The following GRM8 variants were observed in gnomAD, a reference collection of about 807,000 sequenced individuals.
GRM8 encodes glutamate metabotropic receptor 8.
Under a neutral mutation model 87.2 loss-of-function variants are expected in GRM8, and 47 were observed. That is an observed-to-expected ratio of 0.54 (90% CI 0.43 to 0.69). GRM8 has a LOEUF of 0.69. Among genes scored for constraint, GRM8 ranks in the 30% least tolerant of loss-of-function variants. GRM8 has a pLI of 0.00. For missense variants in GRM8, 1,019 were observed against 1,139.2 expected (o/e 0.89, Z 1.52); for synonymous variants, 396 against 404.5 (o/e 0.98, Z 0.25).
chr7:126,929,975 A>G (rs547837421), intron 3 of GRM8, among the ~76,000 whole-genome samples: 3 of 151,950 alleles, frequency 2.0e-5, no homozygotes, highest in Non-Finnish European at 4.4e-5. Flanking sequence ...AATTTATACT[A>G]TACTTTCATG....
At chr7:126,524,818 T>G in intron 9 of GRM8, among the ~76,000 whole-genome samples, 1 of 152,316 alleles carries the variant, frequency 6.6e-6, no homozygotes, top group Non-Finnish European at 1.5e-5. Context: ...GTTTCTGGGA[T>G]CATATGCTTA....
intron 6 of GRM8, among the ~76,000 whole-genome samples, chr7:126,842,596 G>T (rs1351445357): frequency 6.6e-6 from 1 of 152,138 alleles, no homozygotes; most frequent in Non-Finnish European, 1.5e-5. Flanking sequence ...AAAATAAGAA[G>T]ATTACCCTGG....
intron 3 of GRM8, among the ~76,000 whole-genome samples, chr7:127,025,321 G>C (rs1332205450): frequency 6.6e-6 from 1 of 151,904 alleles, no homozygotes; most frequent in African/African-American, 2.4e-5. Context: ...TCTTTCCTCA[G>C]ACACTAGACC....
chr7:127,026,138 G>A (rs1435002305), intron 3 of GRM8, among the ~76,000 whole-genome samples: 2 of 152,140 alleles, frequency 1.3e-5, no homozygotes, highest in East Asian at 1.9e-4. Flanking sequence ...TGCTGAGAAT[G>A]GTTTCCAGCT....
chr7:126,906,662 G>C (rs2131254645), intron 3 of GRM8, among the ~76,000 whole-genome samples: 1 of 152,324 alleles, frequency 6.6e-6, no homozygotes, highest in Non-Finnish European at 1.5e-5. Flanking sequence ...CAGATTTCCA[G>C]GGTGCTGTGA....
intron 6 of GRM8, among the ~76,000 whole-genome samples, chr7:126,802,805 G>A (rs12706746): frequency 0.24 from 36,783 of 152,148 alleles, 5,198 homozygotes; most frequent in Non-Finnish European, 0.32. Context: ...TTTAAATTAG[G>A]AAAGAAAAAT....
chr7:127,039,679 A>G (rs1198043649), intron 3 of GRM8, among the ~76,000 whole-genome samples: 9 of 33,558 alleles, frequency 2.7e-4, no homozygotes, highest in Non-Finnish European at 4.6e-4. Flanking sequence ...GAAGGGCAAG[A>G]GAGGGGAAGG....
intron 7 of GRM8, among the ~76,000 whole-genome samples, chr7:126,623,021 C>T (rs1563024877): frequency 6.6e-6 from 1 of 152,178 alleles, no homozygotes; most frequent in Non-Finnish European, 1.5e-5. Flanking sequence ...GTTCTTCAGA[C>T]AGTCATCTCC....
intron 6 of GRM8, among the ~76,000 whole-genome samples, chr7:126,775,483 T>TTTG: frequency 1.7e-5 from 1 of 58,064 alleles, no homozygotes; most frequent in African/African-American, 4.4e-5. Flanking sequence ...AAATAGGTTT[T>TTTG]TTTTTTTTTT....
chr7:127,035,964 C>T (rs1012893585), intron 3 of GRM8, among the ~76,000 whole-genome samples: 2 of 152,090 alleles, frequency 1.3e-5, no homozygotes, highest in Non-Finnish European at 2.9e-5. Flanking sequence ...TGTTACTTGC[C>T]CCCAACATTT....
chr7:126,622,381 T>C (rs1800265146), intron 7 of GRM8, among the ~76,000 whole-genome samples: 1 of 152,156 alleles, frequency 6.6e-6, no homozygotes. Context: ...GTTTCATGAC[T>C]TATTCTCATC....
chr7:126,549,612 A>C (rs1562946527), intron 8 of GRM8, among the ~76,000 whole-genome samples: 1 of 152,222 alleles, frequency 6.6e-6, no homozygotes, highest in Admixed American at 6.5e-5. Context: ...CAGAATAAAA[A>C]GAAGCGTAAT....
chr7:126,459,430 C>T (rs1803639626), intron 9 of GRM8, among the ~76,000 whole-genome samples: 1 of 151,372 alleles, frequency 6.6e-6, no homozygotes, highest in Admixed American at 6.6e-5. Context: ...AGCTCCTATG[C>T]TGTTCCCCTA....
At chr7:126,676,647 G>C (rs536801969) in intron 7 of GRM8, among the ~76,000 whole-genome samples, 2 of 152,188 alleles carry the variant, frequency 1.3e-5, no homozygotes, top group South Asian at 4.1e-4. Flanking sequence ...TTCAATAAAT[G>C]GTGCTGGGTA....
At chr7:126,502,519 C>A (rs945789854) in intron 9 of GRM8, among the ~76,000 whole-genome samples, 1 of 152,014 alleles carries the variant, frequency 6.6e-6, no homozygotes, top group African/African-American at 2.4e-5. Flanking sequence ...TTGCATTTGA[C>A]TTCAAAAGAA....
chr7:126,511,787 G>A (rs993934293), intron 9 of GRM8: 2 of 152,124 alleles, frequency 1.3e-5, no homozygotes, highest in African/African-American at 2.4e-5. Flanking sequence ...TTAAAGTGAT[G>A]AGAGATCCAA....
intron 8 of GRM8, among the ~76,000 whole-genome samples, chr7:126,607,017 T>C (rs1245154543): frequency 1.3e-5 from 2 of 152,224 alleles, no homozygotes; most frequent in East Asian, 1.9e-4. Context: ...ATATTAATGA[T>C]AGGCAGTCCG....
At chr7:127,225,779 C>T (rs1387107227) in intron 2 of GRM8, among the ~76,000 whole-genome samples, 1 of 151,248 alleles carries the variant, frequency 6.6e-6, no homozygotes, top group Non-Finnish European at 1.5e-5. Flanking sequence ...AGAGAACCTC[C>T]CTTTAATTTT....
intron 9 of GRM8, among the ~76,000 whole-genome samples, chr7:126,464,538 G>T (rs1024483611): frequency 4.0e-5 from 6 of 151,402 alleles, no homozygotes; most frequent in Admixed American, 2.6e-4. Context: ...TTGTTTTGTG[G>T]TCTTCTCTTC....
Sources: gnomAD v4.1 joint callset for allele counts (sites outside exome capture counted in the v4.1 genomes callset) on GRCh38, gnomAD v4.1.1 for gene constraint, MANE v1.5 for transcripts, NCBI Gene and HGNC (gene_info 2026-07-23, HGNC 2026-07-21) for gene names.